Variants in GLRA2 observed in about 807,000 individuals in gnomAD.
GLRA2 encodes glycine receptor subunit alpha-2.
In GLRA2, 11 loss-of-function variants were observed where a neutral mutation model predicts 31.6. The ratio of observed to expected loss-of-function variants is 0.35; its 90% CI spans 0.22 to 0.58. GLRA2 has a LOEUF of 0.58. GLRA2 is among the 20% of genes least tolerant of loss of function. The pLI is 0.84. For missense variants in GLRA2, 212 were observed against 351.8 expected, an observed-to-expected ratio of 0.60 and a Z score of 3.18; for synonymous variants, 132 against 134.0, an observed-to-expected ratio of 0.99 and a Z score of 0.10.
the GLRA2 span, among the ~76,000 whole-genome samples, chrX:14,466,447 C>T: frequency 3.6e-5 from 4 of 111,668 alleles, no homozygotes; most frequent in African/African-American, 1.3e-4. Context: ...TATAAATTGG[C>T]CTCTGGAGAC....
chrX:14,645,151 G>C (rs2090816744), intron 7 of GLRA2, among the ~76,000 whole-genome samples: 1 of 111,758 alleles, frequency 8.9e-6, no homozygotes, highest in Non-Finnish European at 1.9e-5. Flanking sequence ...GCATAGGTAG[G>C]TAAAGATGAA....
At position 14,731,361 on chromosome X, in the gene GLRA2, C is replaced by T. The variant is rs1017856957; in HGVS notation, c.*876C>T. The T allele has an allele frequency of 8.9e-6, 1 of 111,784 alleles. No individual in the cohort carries two copies. The highest frequency in any genetic ancestry group is 1.9e-5 in the Non-Finnish European group (1 of 53,185). 9.2% of individuals were successfully genotyped at this position (111,784 alleles called of 1,213,427 possible). ...TATTTTTGCTTTGGCTATATTTACACGTGACTTTAATCGCCCAACTGTGAC... is the reference window on the plus strand; with the variant it reads ...TATTTTTGCTTTGGCTATATTTACATGTGACTTTAATCGCCCAACTGTGAC... On this transcript the variant is annotated 3_prime_UTR_variant, in exon 9 of 9. Transcript: ENST00000218075.
intron 5 of GLRA2, among the ~76,000 whole-genome samples, chrX:14,606,925 A>T (rs759675588): frequency 1.8e-5 from 2 of 112,345 alleles, no homozygotes; most frequent in Non-Finnish European, 3.8e-5. Flanking sequence ...AAATCCATCC[A>T]TAAGTAGCTT....
the GLRA2 span, among the ~76,000 whole-genome samples, chrX:14,518,126 C>G: frequency 2.7e-5 from 3 of 111,623 alleles, no homozygotes; most frequent in Non-Finnish European, 5.7e-5. Context: ...CCTTAGTAAT[C>G]AGATAAATGT....
At chrX:14,515,636 T>C in the GLRA2 span, among the ~76,000 whole-genome samples, 1 of 112,231 alleles carries the variant, frequency 8.9e-6, no homozygotes, top group Non-Finnish European at 1.9e-5. Context: ...AATCTAATAT[T>C]ATTTTAAATA....
chrX:14,677,667 G>A (rs2091158683), intron 7 of GLRA2, among the ~76,000 whole-genome samples: 2 of 111,836 alleles, frequency 1.8e-5, no homozygotes, highest in Admixed American at 1.9e-4. Context: ...TTGGGACTGG[G>A]TAATTATTTG....
chrX:14,513,488 T>G, the GLRA2 span, among the ~76,000 whole-genome samples: 1 of 110,086 alleles, frequency 9.1e-6, no homozygotes. Context: ...ACCCACAGAG[T>G]GAGAGAAAAT....
At chrX:14,683,033 A>C (rs1395300178) in intron 7 of GLRA2, among the ~76,000 whole-genome samples, 10 of 111,758 alleles carry the variant, frequency 8.9e-5, no homozygotes, top group East Asian at 2.8e-4. Context: ...GTCTTTATAG[A>C]AGCATGATTT....
the GLRA2 span, among the ~76,000 whole-genome samples, chrX:14,450,784 C>T: frequency 9.0e-6 from 1 of 111,582 alleles, no homozygotes; most frequent in East Asian, 2.8e-4. Flanking sequence ...TGACCCACTG[C>T]AACCTCCACC....
At chrX:14,533,962 T>G (rs1174199016) in intron 2 of GLRA2, among the ~76,000 whole-genome samples, 1 of 111,575 alleles carries the variant, frequency 9.0e-6, no homozygotes, top group Non-Finnish European at 1.9e-5. Flanking sequence ...TTTACAAGCA[T>G]CTTCTTTCAT....
chrX:14,634,615 C>T (rs1397721493), intron 7 of GLRA2, among the ~76,000 whole-genome samples: 1 of 111,405 alleles, frequency 9.0e-6, no homozygotes, highest in African/African-American at 3.3e-5. Flanking sequence ...TTGTTTCTAG[C>T]ACAGAGATAG....
intron 4 of GLRA2, among the ~76,000 whole-genome samples, chrX:14,599,909 G>A (rs1226866626): frequency 9.0e-6 from 1 of 111,541 alleles, no homozygotes; most frequent in Non-Finnish European, 1.9e-5. Flanking sequence ...GCTCAGGCAG[G>A]GACTTATTAG....
chrX:14,707,460 C>T (rs904753046), intron 8 of GLRA2, among the ~76,000 whole-genome samples: 1 of 111,181 alleles, frequency 9.0e-6, no homozygotes, highest in Admixed American at 9.5e-5. Context: ...TTCCTTTCGC[C>T]TGCTTTTTGA....
intron 7 of GLRA2, among the ~76,000 whole-genome samples, chrX:14,633,261 T>A (rs2090672044): frequency 8.9e-6 from 1 of 111,820 alleles, no homozygotes; most frequent in South Asian, 3.7e-4. Flanking sequence ...TTTGGGAGGC[T>A]GAGTTGGGAG....
chrX:14,700,578 A>G (rs770227388), intron 8 of GLRA2, among the ~76,000 whole-genome samples: 16 of 112,004 alleles, frequency 1.4e-4, no homozygotes, highest in Non-Finnish European at 3.0e-4. Flanking sequence ...GCTAAGAAGC[A>G]GCCATGGATT....
the GLRA2 span, among the ~76,000 whole-genome samples, chrX:14,508,117 A>T: frequency 1.8e-5 from 2 of 111,515 alleles, no homozygotes; most frequent in East Asian, 5.7e-4. Flanking sequence ...TTTTTTGCTC[A>T]TCTGTTGGTG....
chrX:14,563,131 T>G (rs1053910706), intron 2 of GLRA2, among the ~76,000 whole-genome samples: 1 of 112,555 alleles, frequency 8.9e-6, no homozygotes, highest in Non-Finnish European at 1.9e-5. Context: ...CAGGGAAATA[T>G]GTGTGCTCAG....
chrX:14,716,223 T>C (rs2091782929), intron 8 of GLRA2, among the ~76,000 whole-genome samples: 1 of 111,648 alleles, frequency 9.0e-6, no homozygotes, highest in Non-Finnish European at 1.9e-5. Flanking sequence ...GCCAGCATTA[T>C]AGTCCTATAC....
At chrX:14,494,457 G>T in the GLRA2 span, among the ~76,000 whole-genome samples, 2 of 111,739 alleles carry the variant, frequency 1.8e-5, no homozygotes, top group Non-Finnish European at 3.8e-5. Context: ...ACAGACCTTG[G>T]ATGGCATTAG....
Sources: gnomAD v4.1 joint callset for allele counts (sites outside exome capture counted in the v4.1 genomes callset) on GRCh38, gnomAD v4.1.1 for gene constraint, MANE v1.5 for transcripts, NCBI Gene and HGNC (gene_info 2026-07-23, HGNC 2026-07-21) for gene names.